The following KCTD5 variants were observed in gnomAD, a reference collection of about 807,000 sequenced individuals.
The protein encoded by KCTD5 is BTB/POZ domain-containing protein KCTD5.
Under a neutral mutation model 27.9 loss-of-function variants are expected in KCTD5, and 12 were observed. That is an observed-to-expected ratio of 0.43 (90% CI 0.28 to 0.70). The LOEUF (loss-of-function observed/expected upper bound fraction) is 0.70, where lower values mean the gene tolerates loss of function less well. KCTD5 is among the 30% of genes least tolerant of loss of function. The pLI, the probability that KCTD5 is intolerant of heterozygous loss-of-function variation, is 0.19. For missense variants in KCTD5, 226 were observed against 274.8 expected (o/e 0.82, Z 1.26); for synonymous variants, 147 against 121.4 (o/e 1.21, Z -1.39).
At chr16:2,688,243 A>ATATATATT (rs1282831421) in intron 1 of KCTD5, among the ~76,000 whole-genome samples, 15 of 64,246 alleles carry the variant, frequency 2.3e-4, no homozygotes, top group African/African-American at 7.5e-4. Context: ...ATATATATAT[A>ATATATATT]TATTTATTTA....
chr16:2,707,197 A>G (rs1285215237), intron 5 of KCTD5, 101 bp from the exon 6 acceptor site: 4 of 1,160,352 alleles, frequency 3.4e-6, no homozygotes, highest in Non-Finnish European at 5.0e-6. Flanking sequence ...GGGCTCCCCG[A>G]GCTAACCCCA....
intron 1 of KCTD5, chr16:2,684,772 A>T (rs144134427): frequency 0.12 from 18,543 of 151,740 alleles, 1,259 homozygotes; most frequent in Middle Eastern, 0.2. Context: ...CACAAAAAAA[A>T]AAAAATAAAA....
intron 1 of KCTD5, among the ~76,000 whole-genome samples, chr16:2,690,979 C>G (rs186333448): frequency 6.6e-6 from 1 of 152,240 alleles, no homozygotes; most frequent in African/African-American, 2.4e-5. Context: ...CCGAGGCCCT[C>G]GCGCCTGGGC....
intron 1 of KCTD5, among the ~76,000 whole-genome samples, chr16:2,690,500 A>G (rs2142053253): frequency 6.6e-6 from 1 of 152,376 alleles, no homozygotes; most frequent in Non-Finnish European, 1.5e-5. Flanking sequence ...TGACTTGTCA[A>G]TAAAACAGTC....
intron 3 of KCTD5, among the ~76,000 whole-genome samples, 198 bp downstream of exon 3, chr16:2,698,195 C>T (rs565584153): frequency 4.2e-4 from 64 of 152,344 alleles, no homozygotes; most frequent in African/African-American, 1.5e-3. Flanking sequence ...TTGAAGGATC[C>T]ATTCATCCTG....
Position 2,702,208 on chromosome 16 carries a change from A to T in KCTD5, c.550-145A>T. ...GTGTGCTCGTGCAGGTGTTCCGGGG[A>T]TTTGTTTTCCATCCATTTCCTGAAG... On this transcript the variant is annotated intron_variant, in intron 4 of 5. Transcript: ENST00000301738. 3.9e-6 allele frequency: 4 copies of T among 1,038,404 alleles called. No homozygotes were observed. The South Asian group carries it at 6.1e-5, about 16-fold the overall frequency. The allele number at this position is 1,038,404 out of a possible 1,614,324, so 64.3% of individuals were successfully genotyped here.
intron 1 of KCTD5, among the ~76,000 whole-genome samples, chr16:2,692,790 C>G (rs1241003032): frequency 6.6e-6 from 1 of 152,254 alleles, no homozygotes; most frequent in Non-Finnish European, 1.5e-5. Flanking sequence ...TCGGCCCCAA[C>G]TTTGCTCCAA....
chr16:2,703,400 G>A (rs1165819372), intron 5 of KCTD5, among the ~76,000 whole-genome samples: 4 of 152,170 alleles, frequency 2.6e-5, no homozygotes, highest in East Asian at 1.9e-4. Context: ...AGCCTGGGGC[G>A]AAGGCTCGGG....
rs747701976 is a variant in KCTD5, at chr16:2,707,289, G to A, written c.676-9G>A. 25 of 1,613,526 alleles carry A rather than the reference G, an allele frequency of 1.5e-5. No individual in the cohort carries two copies. The highest frequency in any genetic ancestry group is 1.7e-5 in the Non-Finnish European group (20 of 1,179,604). Reference sequence around the variant, plus strand: ...CAAGTCCTCATTTTATGCATTTGGTGTTTTTCAGATTTTGCAAGAACGAGG... The same window carrying A: ...CAAGTCCTCATTTTATGCATTTGGTATTTTTCAGATTTTGCAAGAACGAGG... On this transcript the variant is annotated splice_polypyrimidine_tract_variant and intron_variant, in intron 5 of 5. Transcript: ENST00000301738.
chr16:2,706,551 A>C (rs1047703994), intron 5 of KCTD5, among the ~76,000 whole-genome samples: 14 of 151,906 alleles, frequency 9.2e-5, no homozygotes, highest in African/African-American at 3.1e-4. Flanking sequence ...CCAGCGCCTG[A>C]GCCTGTCCTC....
At chr16:2,683,169 C>T (rs2067525966) in intron 1 of KCTD5, 1 of 186,576 alleles carries the variant, frequency 5.4e-6, no homozygotes, top group African/African-American at 2.4e-5. Flanking sequence ...AACGCCTTCT[C>T]TTCTCTGTCC....
At chr16:2,703,150 C>T (rs1204186877) in intron 5 of KCTD5, among the ~76,000 whole-genome samples, 1 of 152,174 alleles carries the variant, frequency 6.6e-6, no homozygotes, top group Non-Finnish European at 1.5e-5. Context: ...TTCAGGTTGG[C>T]CCTGTGGCCC....
intron 5 of KCTD5, among the ~76,000 whole-genome samples, chr16:2,705,196 G>C (rs2067630216): frequency 6.6e-6 from 1 of 152,198 alleles, no homozygotes; most frequent in Non-Finnish European, 1.5e-5. Context: ...ATGTCATGGT[G>C]AGCTCCGTGG....
chr16:2,702,928 G>GACATGGGGGTCCAGTTGTC (rs1231665485), intron 5 of KCTD5, among the ~76,000 whole-genome samples: 16 of 152,156 alleles, frequency 1.1e-4, no homozygotes, highest in Non-Finnish European at 1.5e-4. Flanking sequence ...TGAGTGCAGG[G>GACATGGGGGTCCAGTTGTC]GTGGGTACCC....
intron 3 of KCTD5, 88 bp downstream of exon 3, chr16:2,698,085 T>G (rs1477300518): frequency 1.1e-6 from 1 of 934,076 alleles, no homozygotes; most frequent in African/African-American, 1.7e-5. Flanking sequence ...GCCTCCCAAA[T>G]AAGTCCTGCG....
intron 5 of KCTD5, 62 bp from the exon 6 acceptor site, chr16:2,707,236 G>A (rs2067640821): frequency 6.5e-7 from 1 of 1,535,608 alleles, no homozygotes; most frequent in Non-Finnish European, 9.0e-7. Flanking sequence ...TCTGGAGCAG[G>A]CGCCTGGTCA....
At chr16:2,688,198 G>A (rs1279287422) in intron 1 of KCTD5, among the ~76,000 whole-genome samples, 1 of 144,058 alleles carries the variant, frequency 6.9e-6, no homozygotes, top group Non-Finnish European at 1.5e-5. Flanking sequence ...GTTTGTACTT[G>A]GTTTTTATTA....
intron 4 of KCTD5, among the ~76,000 whole-genome samples, chr16:2,701,537 TCACTGGGCTGGGTCCACTGCTGCC>T (rs1456583705): frequency 6.6e-6 from 1 of 152,214 alleles, no homozygotes; most frequent in Admixed American, 6.5e-5. Flanking sequence ...TGTGGCCGCC[TCACTGGGCTGGGTCCACTGCTGCC>T]CACTGGGTCA....
At chr16:2,696,577 G>A (rs1454391175) in intron 2 of KCTD5, among the ~76,000 whole-genome samples, 3 of 152,258 alleles carry the variant, frequency 2.0e-5, no homozygotes, top group Admixed American at 2.0e-4. Flanking sequence ...TGGCCTGCCT[G>A]TGTGCTGCGG....
Sources: gnomAD v4.1 joint callset for allele counts (sites outside exome capture counted in the v4.1 genomes callset) on GRCh38, gnomAD v4.1.1 for gene constraint, MANE v1.5 for transcripts, NCBI Gene and HGNC (gene_info 2026-07-23, HGNC 2026-07-21) for gene names.